Variants in LRRTM4 observed in about 807,000 individuals in gnomAD.
LRRTM4 encodes the protein leucine rich repeat transmembrane neuronal 4.
A neutral mutation model predicts 47.6 loss-of-function variants in LRRTM4; 25 were observed. That is an observed-to-expected ratio of 0.53 (90% CI 0.38 to 0.73). The LOEUF (loss-of-function observed/expected upper bound fraction) is 0.73, where lower values mean the gene tolerates loss of function less well. Among genes scored for constraint, LRRTM4 ranks in the 30% least tolerant of loss-of-function variants. The probability of loss-of-function intolerance (pLI) is 0.00; values close to 1 mark genes in which losing one functional copy is unlikely to be tolerated. For synonymous variants in LRRTM4, 311 were observed against 269.5 expected (o/e 1.15, Z -1.51); for missense variants, 638 against 713.4 (o/e 0.89, Z 1.20).
At chr2:77,333,015 A>G (rs1330778126) in intron 3 of LRRTM4, among the ~76,000 whole-genome samples, 1 of 152,132 alleles carries the variant, frequency 6.6e-6, no homozygotes, top group Non-Finnish European at 1.5e-5. Flanking sequence ...GAGTCTCATG[A>G]TATCTGATAG....
intron 3 of LRRTM4, among the ~76,000 whole-genome samples, chr2:77,118,199 G>A (rs2103949997): frequency 6.6e-6 from 1 of 151,704 alleles, no homozygotes; most frequent in Non-Finnish European, 1.5e-5. Flanking sequence ...ACCACTGAGA[G>A]TAAGGCTCAT....
At chr2:76,754,574 G>T (rs1248969378) in intron 3 of LRRTM4, among the ~76,000 whole-genome samples, 1 of 152,096 alleles carries the variant, frequency 6.6e-6, no homozygotes, top group Non-Finnish European at 1.5e-5. Context: ...GCTGCCAAAT[G>T]GCTTCCTGCA....
chr2:77,120,138 A>G (rs571146301), intron 3 of LRRTM4, among the ~76,000 whole-genome samples: 3 of 151,916 alleles, frequency 2.0e-5, no homozygotes, highest in African/African-American at 4.8e-5. Flanking sequence ...GGTAGGAGCT[A>G]TAAGATTGGA....
At chr2:77,308,605 C>T (rs1677356696) in intron 3 of LRRTM4, among the ~76,000 whole-genome samples, 1 of 151,864 alleles carries the variant, frequency 6.6e-6, no homozygotes, top group Non-Finnish European at 1.5e-5. Flanking sequence ...TCTCTTAATC[C>T]ACACTATGTA....
intron 3 of LRRTM4, among the ~76,000 whole-genome samples, chr2:76,861,842 G>A (rs1453239661): frequency 1.3e-5 from 2 of 152,098 alleles, no homozygotes; most frequent in Non-Finnish European, 2.9e-5. Context: ...ACTCTTAAAC[G>A]TAGAATGACA....
chr2:76,957,783 C>T (rs868692389), intron 3 of LRRTM4, among the ~76,000 whole-genome samples: 7 of 151,740 alleles, frequency 4.6e-5, no homozygotes, highest in Middle Eastern at 3.4e-3. Flanking sequence ...CAAAGTTTCT[C>T]ATAATGGCAC....
intron 3 of LRRTM4, among the ~76,000 whole-genome samples, chr2:77,433,082 A>G (rs1347563963): frequency 1.3e-5 from 2 of 152,222 alleles, no homozygotes; most frequent in African/African-American, 2.4e-5. Context: ...AAGACAATCT[A>G]CAGCTTTTAG....
At chr2:77,311,899 C>T (rs1362239761) in intron 3 of LRRTM4, among the ~76,000 whole-genome samples, 2 of 152,262 alleles carry the variant, frequency 1.3e-5, no homozygotes, top group African/African-American at 4.8e-5. Flanking sequence ...TTACCCTAGC[C>T]TTTCTAAATG....
At position 76,807,430 on chromosome 2, in the gene LRRTM4, A is replaced by G. The variant is rs1403854576; in HGVS notation, c.1552-58514T>C. Among the ~76,000 whole-genome samples the G allele has an allele frequency of 6.6e-3, 649 of 97,998 alleles. 14 individuals carry two copies. Among genetic ancestry groups the G allele is most frequent in the Non-Finnish European group, 8.6e-3 (486 of 56,658 alleles). The allele number at this position is 97,998 out of a possible 152,430, so 64.3% of individuals were successfully genotyped here. ...TACGTATATATATATATATACATAT[A>G]TATATACGTATATACATATATATAT... On this transcript the variant is annotated intron_variant, in intron 3 of 3. Coordinates refer to ENST00000409884, the MANE Select transcript of LRRTM4 (RefSeq NM_001134745.3).
chr2:76,924,744 A>G (rs1459485535), intron 3 of LRRTM4, among the ~76,000 whole-genome samples: 12 of 152,134 alleles, frequency 7.9e-5, no homozygotes, highest in Non-Finnish European at 1.6e-4. Flanking sequence ...CTGAGCCACC[A>G]CATAGGAATA....
At chr2:77,378,232 C>T (rs192044057) in intron 3 of LRRTM4, among the ~76,000 whole-genome samples, 21 of 151,860 alleles carry the variant, frequency 1.4e-4, no homozygotes, top group Non-Finnish European at 2.9e-4. Context: ...TTCTGGGGTA[C>T]GAATTAGTCT....
intron 3 of LRRTM4, among the ~76,000 whole-genome samples, chr2:77,505,189 C>T (rs1168301070): frequency 6.6e-6 from 1 of 150,422 alleles, no homozygotes; most frequent in African/African-American, 2.4e-5. Flanking sequence ...TCCAGAAATA[C>T]AAATAACATT....
intron 3 of LRRTM4, among the ~76,000 whole-genome samples, chr2:76,883,664 G>A (rs575233174): frequency 3.9e-5 from 6 of 151,924 alleles, no homozygotes; most frequent in Non-Finnish European, 8.8e-5. Flanking sequence ...ACTGTTTCTC[G>A]CAAATCCCCA....
At chr2:77,180,951 G>T (rs1573045902) in intron 3 of LRRTM4, among the ~76,000 whole-genome samples, 1 of 152,046 alleles carries the variant, frequency 6.6e-6, no homozygotes, top group South Asian at 2.1e-4. Context: ...TCTACCATTA[G>T]AGGTATATTT....
chr2:76,987,814 G>A (rs34937815), intron 3 of LRRTM4, among the ~76,000 whole-genome samples: 2,471 of 151,760 alleles, frequency 0.016, 32 homozygotes, highest in South Asian at 0.022. Flanking sequence ...AAGAAACACC[G>A]GGAAAATTCT....
chr2:77,413,120 T>C (rs1200018791), intron 3 of LRRTM4, among the ~76,000 whole-genome samples: 1 of 152,180 alleles, frequency 6.6e-6, no homozygotes, highest in East Asian at 1.9e-4. Context: ...GCAAGAACAT[T>C]GACTCAACTA....
intron 3 of LRRTM4, among the ~76,000 whole-genome samples, chr2:76,807,668 C>T (rs1046430410): frequency 4.0e-5 from 6 of 151,388 alleles, no homozygotes; most frequent in Admixed American, 1.3e-4. Flanking sequence ...CTCAGCTCAT[C>T]GCAACCTCTG....
intron 3 of LRRTM4, among the ~76,000 whole-genome samples, chr2:76,791,513 T>G (rs534016193): frequency 7.2e-5 from 11 of 152,284 alleles, no homozygotes; most frequent in African/African-American, 2.6e-4. Flanking sequence ...GACTCGAGTA[T>G]TTAGGAAAGA....
intron 3 of LRRTM4, among the ~76,000 whole-genome samples, chr2:76,795,415 T>C (rs951552544): frequency 1.6e-5 from 2 of 128,018 alleles, no homozygotes; most frequent in Non-Finnish European, 3.5e-5. Flanking sequence ...CATGTAAAGA[T>C]TTTTTACTGT....
Sources: allele counts gnomAD v4.1 joint callset (sites outside exome capture counted in the v4.1 genomes callset), GRCh38; gene constraint gnomAD v4.1.1; transcripts MANE v1.5; gene names NCBI Gene and HGNC (gene_info 2026-07-23, HGNC 2026-07-21).